CEP55: variants seen among roughly 807,000 people sequenced by gnomAD.
CEP55 encodes the protein centrosomal protein of 55 kDa.
A neutral mutation model predicts 63.2 loss-of-function variants in CEP55; 57 were observed. The ratio of observed to expected loss-of-function variants is 0.90; its 90% CI spans 0.73 to 1.13. The LOEUF is 1.13. Among genes scored for constraint, CEP55 ranks in the 50% most tolerant of loss-of-function variants. The pLI is 0.00. For missense variants in CEP55, 456 were observed against 518.9 expected, an observed-to-expected ratio of 0.88 and a Z score of 1.18; for synonymous variants, 178 against 191.6, an observed-to-expected ratio of 0.93 and a Z score of 0.59.
chr10:93,526,826 C>T (rs1205359942), intron 8 of CEP55, among the ~76,000 whole-genome samples: 3 of 152,058 alleles, frequency 2.0e-5, no homozygotes, highest in Non-Finnish European at 2.9e-5. Flanking sequence ...AGCAAACTAT[C>T]ACAAGGACAA....
intron 8 of CEP55, among the ~76,000 whole-genome samples, chr10:93,526,976 C>T (rs150706256): frequency 0.026 from 3,969 of 151,980 alleles, 149 homozygotes; most frequent in African/African-American, 0.081. Context: ...GAGATATACC[C>T]AATGTAAATG....
intron 8 of CEP55, among the ~76,000 whole-genome samples, chr10:93,526,136 C>T (rs575554503): frequency 2.6e-5 from 4 of 152,196 alleles, no homozygotes; most frequent in Non-Finnish European, 5.9e-5. Context: ...AAACTACCAT[C>T]AGAGTGAACA....
In CEP55 at chr10:93,503,274, G is replaced by T; in HGVS notation, c.345G>T (p.Glu115Asp). Residue 115 changes from glutamate to aspartate, a missense_variant, in exon 3 of 9, where the codon GAG becomes GAT. Transcript: ENST00000371485. Reference sequence around the variant, plus strand: ...CAACGAGAGAAGGAGAAAGGAGGGAGCAGGTGTTGAAAGCCTTATCTGAAG... The same window carrying T: ...CAACGAGAGAAGGAGAAAGGAGGGATCAGGTGTTGAAAGCCTTATCTGAAG... ...EETTREGERR[E>D]QVLKALSEEK... is the part of the protein sequence containing the mutation. 6.3e-7 allele frequency: 1 copy of T among 1,581,922 alleles called. No homozygotes were observed. The highest frequency in any genetic ancestry group is 1.1e-5 in the South Asian group (1 of 90,452).
rs745503526 is a variant in CEP55 at position 93,515,542 on chromosome 10, G to T, written c.666G>T (p.Lys222Asn). The T allele has an allele frequency of 6.2e-7, 1 of 1,612,906 alleles. No individual in the cohort carries two copies. Among genetic ancestry groups the T allele is most frequent in the Admixed American group, 1.7e-5 (1 of 59,938 alleles). ...ATTCACTCCCACAGCAGACAAAAAA[G>T]CCTGAATCAGAAGGTACTGACTGGT... ...AAHSLPQQTK[K>N]PESEGYLQEE... Residue 222 changes from lysine to asparagine, a missense_variant, in exon 5 of 9, where the codon AAG becomes AAT. Transcript: ENST00000371485.
At position 93,517,229 on chromosome 10, in the gene CEP55, C is replaced by G. The variant is rs1344961608; in HGVS notation, c.974C>G (p.Ser325Cys). 6.3e-7 allele frequency: 1 copy of G among 1,599,774 alleles called. No homozygotes were observed. The change falls in exon 6 of 9, where the codon TCC becomes TGC. Residue 325 changes from serine to cysteine, a missense_variant. Coordinates refer to ENST00000371485, the MANE Select transcript of CEP55 (RefSeq NM_018131.5). ...RGKLEEEKKR[S>C]EELLSQVQFL... is the part of the protein sequence containing the mutation. ...AAACTTGAAGAAGAGAAGAAGAGAT[C>G]CGAAGAGCTCTTATCTCAGGTAAAC...
chr10:93,510,599 C>T lies in CEP55; in HGVS notation c.528+3543C>T, dbSNP rs78185836. 2.0e-4 allele frequency: 31 copies of T among 152,278 alleles called. No individual in the cohort carries two copies. In the East Asian group the frequency reaches 5.8e-3, roughly 28 times the overall value. 9.4% of individuals were successfully genotyped at this position (152,278 alleles called of 1,614,324 possible). On this transcript the variant is annotated intron_variant, in intron 4 of 8. Coordinates refer to ENST00000371485, the MANE Select transcript of CEP55 (RefSeq NM_018131.5). The stretch of plus-strand genomic sequence containing the variant: ...CTTCAATGTGTGTTTGTTCTCCCAT[C>T]CAAGTACTAAACAGACTCAACGCTG...
chr10:93,527,291 C>T (rs994646901), intron 8 of CEP55, among the ~76,000 whole-genome samples: 2 of 152,152 alleles, frequency 1.3e-5, no homozygotes, highest in Non-Finnish European at 2.9e-5. Context: ...CCTTTAATTT[C>T]CATGTAGTAC....
At chr10:93,509,532 T>C (rs887548542) in intron 4 of CEP55, among the ~76,000 whole-genome samples, 3 of 151,782 alleles carry the variant, frequency 2.0e-5, no homozygotes, top group Non-Finnish European at 4.4e-5. Context: ...GTCACTCAGG[T>C]TGGAGTGCAG....
intron 4 of CEP55, among the ~76,000 whole-genome samples, chr10:93,507,633 T>C (rs976469419): frequency 2.0e-5 from 3 of 152,110 alleles, no homozygotes; most frequent in Non-Finnish European, 4.4e-5. Context: ...AATCATTTTA[T>C]TGTTTCTTGT....
At chr10:93,516,797 A>G in intron 5 of CEP55, 138 bp from the exon 6 acceptor site, 1 of 591,108 alleles carries the variant, frequency 1.7e-6, no homozygotes, top group South Asian at 2.9e-5. Context: ...TCAAATATCA[A>G]CCATAGTCCC....
intron 8 of CEP55, among the ~76,000 whole-genome samples, chr10:93,525,579 A>G (rs1274177366): frequency 6.6e-6 from 1 of 152,074 alleles, no homozygotes; most frequent in Admixed American, 6.6e-5. Context: ...AGAATTGGAA[A>G]AAACTACTTT....
chr10:93,500,517 T>G (rs1666846924), intron 2 of CEP55, among the ~76,000 whole-genome samples: 1 of 152,340 alleles, frequency 6.6e-6, no homozygotes, highest in East Asian at 1.9e-4. Context: ...ACATTGCGAT[T>G]AATAGTTTTG....
intron 8 of CEP55, among the ~76,000 whole-genome samples, chr10:93,526,849 C>T (rs888387451): frequency 3.3e-5 from 5 of 152,080 alleles, no homozygotes; most frequent in Non-Finnish European, 4.4e-5. Context: ...AATCAAACAC[C>T]GCATGTTCTC....
At chr10:93,521,841 G>A (rs1275252766) in intron 8 of CEP55, among the ~76,000 whole-genome samples, 2 of 152,300 alleles carry the variant, frequency 1.3e-5, no homozygotes, top group East Asian at 3.9e-4. Flanking sequence ...ACAGGGTCTG[G>A]AGTGGACCTC....
rs1310591207 is a variant in CEP55, at chr10:93,528,870, T to G, written c.*717T>G. The G allele has an allele frequency of 6.6e-6, 1 of 152,232 alleles. No individual in the cohort carries two copies. The highest frequency in any genetic ancestry group is 1.5e-5 in the Non-Finnish European group (1 of 68,046). 9.4% of individuals were successfully genotyped at this position (152,232 alleles called of 1,614,324 possible). On this transcript the variant is annotated 3_prime_UTR_variant, in exon 9 of 9. Coordinates refer to ENST00000371485, the MANE Select transcript of CEP55 (RefSeq NM_018131.5). ...TTAGCTAAAATTGTTAAAATAAACT[T>G]TAATAAACCCATGTAGCCCTCTCAT... is the stretch of plus-strand genomic sequence containing the variant.
At chr10:93,512,057 C>T (rs1403900330) in intron 4 of CEP55, among the ~76,000 whole-genome samples, 4 of 150,540 alleles carry the variant, frequency 2.7e-5, no homozygotes, top group Admixed American at 6.6e-5. Flanking sequence ...GGTGATACCC[C>T]GTCTCTAATA....
chr10:93,517,989 G>A lies in CEP55; in HGVS notation c.993+741G>A, dbSNP rs553165625. ...CTTGCCATATAGGGCTTTGGTGAGC[G>A]TCAGTTGAGAGAAGGTAAAAGTGCT... On this transcript the variant is annotated intron_variant, in intron 6 of 8. Transcript: ENST00000371485. Among the ~76,000 whole-genome samples, 12 of 152,294 alleles carry A rather than the reference G, an allele frequency of 7.9e-5. No homozygotes were observed. The South Asian group carries it at 8.3e-4, about 11-fold the overall frequency.
chr10:93,518,919 C>A lies in CEP55; in HGVS notation c.1036C>A (p.Gln346Lys), dbSNP rs1397996986. 5.0e-6 allele frequency: 8 copies of A among 1,612,888 alleles called. No homozygotes were observed. The highest frequency in any genetic ancestry group is 6.8e-6 in the Non-Finnish European group (8 of 1,178,950). ...YTSLLKQQEE[Q>K]TRVALLEQQM... The stretch of plus-strand genomic sequence containing the variant: ...ATCTCTGCTAAAGCAGCAAGAAGAA[C>A]AAACAAGGGTAGCTCTGTTGGAACA... The change falls in exon 7 of 9, where the codon CAA (glutamine) becomes AAA (lysine). Residue 346 changes from glutamine (Q) to lysine (K), a missense_variant. Gln to Lys is a moderately conservative substitution (Grantham distance 53, BLOSUM62 1). Coordinates refer to ENST00000371485, the MANE Select transcript of CEP55 (RefSeq NM_018131.5).
At chr10:93,507,170 C>A in intron 4 of CEP55, 114 bp downstream of exon 4, 1 of 608,158 alleles carries the variant, frequency 1.6e-6, no homozygotes, top group Non-Finnish European at 2.9e-6. Context: ...GGTTTGAGAG[C>A]TTCATTTAAG....
Sources: allele counts gnomAD v4.1 joint callset (sites outside exome capture counted in the v4.1 genomes callset), GRCh38; gene constraint gnomAD v4.1.1; transcripts MANE v1.5; gene names NCBI Gene and HGNC (gene_info 2026-07-23, HGNC 2026-07-21).